Variants in ANKRD61 observed in about 807,000 individuals in gnomAD.
The protein encoded by ANKRD61 is ankyrin repeat domain 61, also known as ankyrin repeat domain-containing protein 61.
ANKRD61 carries 7 observed loss-of-function variants against 8.4 expected under a neutral mutation model. The ratio of observed to expected loss-of-function variants is 0.84; its 90% confidence interval spans 0.48 to 1.57. The LOEUF (loss-of-function observed/expected upper bound fraction) is 1.57, where lower values mean the gene tolerates loss of function less well. ANKRD61 is among the 40% of genes most tolerant of loss of function. ANKRD61 has a pLI of 0.00. For synonymous variants in ANKRD61, 198 were observed against 208.0 expected (o/e 0.95, Z 0.41); for missense variants, 516 against 523.4 (o/e 0.99, Z 0.14).
At chr7:6,034,039 C>T (rs1787994379) in intron 2 of ANKRD61, among the ~76,000 whole-genome samples, 6 of 150,540 alleles carry the variant, frequency 4.0e-5, no homozygotes, top group South Asian at 2.1e-4. Context: ...TAGTATAGGC[C>T]GGGCGCGGTG....
Position 6,035,735 on chromosome 7 carries a change from G to A in ANKRD61, c.606G>A (p.Met202Ile). Reference protein sequence around the residue: ...ADVNAINEASMTPLHMAANML... With the variant: ...ADVNAINEASITPLHMAANML... ...TCAATGCTATTAATGAAGCCAGCAT[G>A]ACACCCCTTCACATGGCCGCAAACA... The change falls in exon 3 of 3, where the codon ATG (methionine) becomes ATA (isoleucine). Residue 202 changes from methionine to isoleucine, a missense_variant. Coordinates refer to ENST00000409061, the MANE Select transcript of ANKRD61 (RefSeq NM_001271700.2). The surrounding 1 kb of genome is among the most constrained non-coding windows in gnomAD (Gnocchi z 5.5). The A allele has an allele frequency of 6.4e-7, 1 of 1,551,012 alleles. No individual in the cohort carries two copies. Among genetic ancestry groups the A allele is most frequent in the Admixed American group, 2.0e-5 (1 of 50,988 alleles).
rs758547206 is a variant in ANKRD61 at position 6,031,611 on chromosome 7, G to A, written c.216+20G>A. On this transcript the variant is annotated intron_variant, in intron 1 of 2. Transcript: ENST00000409061. ...ACCCAGGTACCCTCTTTTCTGCTCA[G>A]TCACTTCTGGAAAAAAGTCAGGCTG... 5.8e-6 allele frequency: 9 copies of A among 1,549,322 alleles called. No individual in the cohort carries two copies. Among genetic ancestry groups the A allele is most frequent in the Non-Finnish European group, 7.9e-6 (9 of 1,145,850 alleles).
rs1787914562 is a variant in ANKRD61, at chr7:6,031,593, T to C, written c.216+2T>C. 1 of 1,550,636 alleles carries C rather than the reference T, an allele frequency of 6.4e-7. No homozygotes were observed. The highest frequency in any genetic ancestry group is 1.2e-5 in the South Asian group (1 of 84,056). On this transcript the variant is annotated splice_donor_variant, in intron 1 of 2. Transcript: ENST00000409061. LOFTEE classifies it high-confidence loss of function. ...AGCAACAGATTACTTCTGACCCAGG[T>C]ACCCTCTTTTCTGCTCAGTCACTTC...
chr7:6,032,818 T>A lies in ANKRD61; in HGVS notation c.217-21T>A. 1 of 1,536,324 alleles carries A rather than the reference T, an allele frequency of 6.5e-7. No individual in the cohort carries two copies. Among genetic ancestry groups the A allele is most frequent in the Non-Finnish European group, 8.8e-7 (1 of 1,134,126 alleles). The stretch of plus-strand genomic sequence containing the variant: ...TAACTACACAGGGCCACTTGTAATG[T>A]GTTTTGTTTTCCCTCCAAAGCCGAC... On this transcript the variant is annotated intron_variant, in intron 1 of 2. Transcript: ENST00000409061. This position sits in a 1 kb window ranked among gnomAD's most constrained non-coding sequence, Gnocchi z 4.3.
Position 6,036,376 on chromosome 7 carries a change from A to G in ANKRD61, c.1247A>G (p.Tyr416Cys), listed in dbSNP as rs1257341872. 1.4e-6 allele frequency: 2 copies of G among 1,475,650 alleles called. No individual in the cohort carries two copies. Among genetic ancestry groups the G allele is most frequent in the African/African-American group, 1.4e-5 (1 of 70,658 alleles). 91.4% of individuals were successfully genotyped at this position (1,475,650 alleles called of 1,614,324 possible). A position where few individuals can be genotyped will look rare whatever the true frequency, so the allele number is the denominator to read the frequency against. Residue 416 changes from tyrosine (Y) to cysteine (C), a missense_variant, in exon 3 of 3, where the codon TAT becomes TGT. By Grantham distance (194) the Tyr-to-Cys change is radical. Coordinates refer to ENST00000409061, the MANE Select transcript of ANKRD61 (RefSeq NM_001271700.2). The surrounding 1 kb of genome is among the most constrained non-coding windows in gnomAD (Gnocchi z 4.6). ...NSVYCCYDLA[Y>C]TS ...GTCTACTGCTGTTATGACTTGGCAT[A>G]TACCTCTTGAAATAAGACCTCCCAG...
Position 6,035,263 on chromosome 7 carries a change from T to G in ANKRD61, c.315-181T>G, listed in dbSNP as rs1788043379. On this transcript the variant is annotated intron_variant, in intron 2 of 2. Transcript: ENST00000409061. The surrounding 1 kb of genome is among the most constrained non-coding windows in gnomAD (Gnocchi z 5.5). ...TCACGTAGTGATGCATCCCACCACATCCCACGAAAAACCCTGGGATAGCCT... is the reference window on the plus strand; with the variant it reads ...TCACGTAGTGATGCATCCCACCACAGCCCACGAAAAACCCTGGGATAGCCT... Among the ~76,000 whole-genome samples the G allele has an allele frequency of 2.0e-5, 3 of 152,066 alleles. No individual in the cohort carries two copies. The South Asian group carries it at 6.2e-4, about 32-fold the overall frequency.
rs765404567 is a variant in ANKRD61 at position 6,036,317 on chromosome 7, G to A, written c.1188G>A (p.Leu396=). Residue 396 remains leucine, a synonymous_variant, in exon 3 of 3, where the codon TTG becomes TTA. Coordinates refer to ENST00000409061, the MANE Select transcript of ANKRD61 (RefSeq NM_001271700.2). The surrounding 1 kb of genome is among the most constrained non-coding windows in gnomAD (Gnocchi z 4.6). ...NIYGEKYKQH[L]KQFLPVTIWN... ...ATGGTGAGAAATACAAACAGCACTT[G>A]AAGCAATTCCTCCCAGTGACAATAT... is the stretch of plus-strand genomic sequence containing the variant. The A allele has an allele frequency of 6.5e-5, 100 of 1,544,760 alleles. No homozygotes were observed. Among genetic ancestry groups the A allele is most frequent in the Non-Finnish European group, 8.0e-5 (92 of 1,145,214 alleles).
Position 6,035,815 on chromosome 7 carries a change from G to A in ANKRD61, c.686G>A (p.Cys229Tyr). The change falls in exon 3 of 3, where the codon TGT (cysteine) becomes TAT (tyrosine). Residue 229 changes from cysteine to tyrosine, a missense_variant. By Grantham distance (194) the Cys-to-Tyr change is radical. Coordinates refer to ENST00000409061, the MANE Select transcript of ANKRD61 (RefSeq NM_001271700.2). The surrounding 1 kb of genome is among the most constrained non-coding windows in gnomAD (Gnocchi z 5.5). ...TLIAYGANVN[C>Y]AVSSTGNTPL... ...ATTGCCTATGGAGCAAACGTCAACTGTGCTGTCTCTTCCACGGGGAACACG... is the reference window on the plus strand; with the variant it reads ...ATTGCCTATGGAGCAAACGTCAACTATGCTGTCTCTTCCACGGGGAACACG... 1.3e-6 allele frequency: 2 copies of A among 1,550,240 alleles called. No homozygotes were observed. Among genetic ancestry groups the A allele is most frequent in the Non-Finnish European group, 1.7e-6 (2 of 1,146,408 alleles).
chr7:6,032,407 A>G lies in ANKRD61; in HGVS notation c.217-432A>G, dbSNP rs1265611002. On this transcript the variant is annotated intron_variant, in intron 1 of 2. Transcript: ENST00000409061. The surrounding 1 kb of genome is among the most constrained non-coding windows in gnomAD (Gnocchi z 4.3). Reference sequence around the variant, plus strand: ...TCATAGACAGAACATATGCTGCGTTATATTTGAAAACCCTGAAGATTCAGG... The same window carrying G: ...TCATAGACAGAACATATGCTGCGTTGTATTTGAAAACCCTGAAGATTCAGG... 2.0e-5 allele frequency among the ~76,000 whole-genome samples: 3 copies of G among 152,188 alleles called. No individual in the cohort carries two copies. The highest frequency in any genetic ancestry group is 7.2e-5 in the African/African-American group (3 of 41,456).
At chr7:6,034,046 G>A (rs1291354136) in intron 2 of ANKRD61, among the ~76,000 whole-genome samples, 4 of 151,438 alleles carry the variant, frequency 2.6e-5, no homozygotes, top group East Asian at 2.0e-4. Flanking sequence ...GGCCGGGCGC[G>A]GTGGCTCACG....
Position 6,033,759 on chromosome 7 carries a change from T to C in ANKRD61, c.314+823T>C, listed in dbSNP as rs1457855292. ...TAATTTTTTGTATTTTTAGTAGAGA[T>C]GGGGTTTCACCATGTTAGCCAGGAT... On this transcript the variant is annotated intron_variant, in intron 2 of 2. Transcript: ENST00000409061. This position sits in a 1 kb window ranked among gnomAD's most constrained non-coding sequence, Gnocchi z 4.4. 6.6e-6 allele frequency among the ~76,000 whole-genome samples: 1 copy of C among 151,596 alleles called. No homozygotes were observed. Among genetic ancestry groups the C allele is most frequent in the Non-Finnish European group, 1.5e-5 (1 of 67,898 alleles).
Position 6,035,710 on chromosome 7 carries a change from T to TCC in ANKRD61, c.582_583insCC (p.Asn195ProfsTer9), listed in dbSNP as rs1280582263. 3 of 1,550,766 alleles carry TCC rather than the reference T, an allele frequency of 1.9e-6. No homozygotes were observed. The African/African-American group carries it at 4.1e-5, about 21-fold the overall frequency. On this transcript the variant is annotated frameshift_variant, in exon 3 of 3. Coordinates refer to ENST00000409061, the MANE Select transcript of ANKRD61 (RefSeq NM_001271700.2). LOFTEE classifies it low-confidence loss of function (END_TRUNC). This position sits in a 1 kb window ranked among gnomAD's most constrained non-coding sequence, Gnocchi z 5.5. ...ATTTTGACCCAAAATGGTGCCGATGTCAATGCTATTAATGAAGCCAGCATG... is the reference window on the plus strand; with the variant it reads ...ATTTTGACCCAAAATGGTGCCGATGTCCCAATGCTATTAATGAAGCCAGCATG...
Position 6,031,551 on chromosome 7 carries a change from T to C in ANKRD61, c.176T>C (p.Ile59Thr). Residue 59 changes from isoleucine to threonine, a missense_variant, in exon 1 of 3, where the codon ATT (isoleucine) becomes ACT (threonine). By Grantham distance (89) the Ile-to-Thr change is moderately conservative (BLOSUM62 -1). Coordinates refer to ENST00000409061, the MANE Select transcript of ANKRD61 (RefSeq NM_001271700.2). ...CACCCTGTCAACCAGCCCATCACCA[T>C]TCTGCCCAACTCCGCCAGCAACAGA... ...RNHPVNQPITILPNSASNRLL... is the reference protein window; with the variant it reads ...RNHPVNQPITTLPNSASNRLL... The C allele has an allele frequency of 1.3e-6, 2 of 1,550,756 alleles. No homozygotes were observed. The highest frequency in any genetic ancestry group is 1.7e-6 in the Non-Finnish European group (2 of 1,146,990).
In ANKRD61 at chr7:6,035,941, T is replaced by G; in HGVS notation, c.812T>G (p.Val271Gly). 6.5e-7 allele frequency: 1 copy of G among 1,547,848 alleles called. No homozygotes were observed. Reference sequence around the variant, plus strand: ...CTGCTACTCACTCACGGAGCCAAAGTCAACGCCCAGGACTACAAGGGCCAA... The same window carrying G: ...CTGCTACTCACTCACGGAGCCAAAGGCAACGCCCAGGACTACAAGGGCCAA... The part of the protein sequence containing the change: ...IRLLLTHGAK[V>G]NAQDYKGQTA... The change falls in exon 3 of 3, where the codon GTC (valine) becomes GGC (glycine). Residue 271 changes from valine (V) to glycine (G), a missense_variant. Coordinates refer to ENST00000409061, the MANE Select transcript of ANKRD61 (RefSeq NM_001271700.2). This position sits in a 1 kb window ranked among gnomAD's most constrained non-coding sequence, Gnocchi z 5.5.
rs776277941 is a variant in ANKRD61 at position 6,031,521 on chromosome 7, G to A, written c.146G>A (p.Arg49Lys). ...EDCTTIEVLL[R>K]NHPVNQPITI... ...TGCACTACGATCGAGGTACTCCTGA[G>A]AAATCACCCTGTCAACCAGCCCATC... The change falls in exon 1 of 3, where the codon AGA becomes AAA. Residue 49 changes from arginine to lysine, a missense_variant. By Grantham distance (26) the Arg-to-Lys change is conservative. Transcript: ENST00000409061. The A allele has an allele frequency of 1.9e-6, 3 of 1,550,706 alleles. No homozygotes were observed. In the South Asian group the frequency reaches 3.6e-5, roughly 18 times the overall value.
chr7:6,035,599 C>A lies in ANKRD61; in HGVS notation c.470C>A (p.Ala157Asp). The A allele has an allele frequency of 6.4e-7, 1 of 1,551,038 alleles. No individual in the cohort carries two copies. Among genetic ancestry groups the A allele is most frequent in the South Asian group, 1.2e-5 (1 of 84,052 alleles). The change falls in exon 3 of 3, where the codon GCT becomes GAT. Residue 157 changes from alanine to aspartate, a missense_variant. Physicochemically the swap from Ala to Asp is moderately radical, Grantham distance 126. Transcript: ENST00000409061. This position sits in a 1 kb window ranked among gnomAD's most constrained non-coding sequence, Gnocchi z 5.5. ...TCLRILCAHG[A>D]QVNTQGEISN... ...CTCCGCATCTTGTGTGCGCACGGAGCTCAAGTGAACACTCAAGGGGAAATC... is the reference window on the plus strand; with the variant it reads ...CTCCGCATCTTGTGTGCGCACGGAGATCAAGTGAACACTCAAGGGGAAATC...
rs1377597799 is a variant in ANKRD61 at position 6,032,643 on chromosome 7, T to G, written c.217-196T>G. 6.6e-6 allele frequency among the ~76,000 whole-genome samples: 1 copy of G among 152,218 alleles called. No homozygotes were observed. Among genetic ancestry groups the G allele is most frequent in the Non-Finnish European group, 1.5e-5 (1 of 68,044 alleles). On this transcript the variant is annotated intron_variant, in intron 1 of 2. Coordinates refer to ENST00000409061, the MANE Select transcript of ANKRD61 (RefSeq NM_001271700.2). This position sits in a 1 kb window ranked among gnomAD's most constrained non-coding sequence, Gnocchi z 4.3. Reference sequence around the variant, plus strand: ...ATGTGCATTTCTGTGAAACACAGATTTTATAGGATGGAATTCACTGAATTT... The same window carrying G: ...ATGTGCATTTCTGTGAAACACAGATGTTATAGGATGGAATTCACTGAATTT...
In ANKRD61 at chr7:6,033,018, G is replaced by A; in HGVS notation, c.314+82G>A. 1.6e-6 allele frequency: 2 copies of A among 1,224,308 alleles called. No individual in the cohort carries two copies. Among genetic ancestry groups the A allele is most frequent in the African/African-American group, 3.0e-5 (2 of 66,072 alleles). The allele number at this position is 1,224,308 out of a possible 1,614,324, so 75.8% of individuals were successfully genotyped here. On this transcript the variant is annotated intron_variant, in intron 2 of 2. Transcript: ENST00000409061. The surrounding 1 kb of genome is among the most constrained non-coding windows in gnomAD (Gnocchi z 4.4). ...GGGTCTCGCTCTGTTGCCCAGGCTGGAGTGCAATGGCACAATCTCGCCTCA... is the reference window on the plus strand; with the variant it reads ...GGGTCTCGCTCTGTTGCCCAGGCTGAAGTGCAATGGCACAATCTCGCCTCA...
At position 6,036,223 on chromosome 7, in the gene ANKRD61, C is replaced by T. The variant is rs1483404547; in HGVS notation, c.1094C>T (p.Thr365Ile). 2 of 1,549,880 alleles carry T rather than the reference C, an allele frequency of 1.3e-6. No homozygotes were observed. The highest frequency in any genetic ancestry group is 1.2e-5 in the South Asian group (1 of 83,822). Reference protein sequence around the residue: ...MLPEFRLLRDTLIKQSQKPLS... With the variant: ...MLPEFRLLRDILIKQSQKPLS... ...CCAGAATTCCGCCTCTTAAGGGACACCCTAATAAAGCAATCGCAAAAACCT... is the reference window on the plus strand; with the variant it reads ...CCAGAATTCCGCCTCTTAAGGGACATCCTAATAAAGCAATCGCAAAAACCT... Residue 365 changes from threonine (T) to isoleucine (I), a missense_variant, in exon 3 of 3, where the codon ACC becomes ATC. Thr to Ile is a moderately conservative substitution (Grantham distance 89, BLOSUM62 -1). Transcript: ENST00000409061. The surrounding 1 kb of genome is among the most constrained non-coding windows in gnomAD (Gnocchi z 4.6).
Sources: allele counts gnomAD v4.1 joint callset (sites outside exome capture counted in the v4.1 genomes callset), GRCh38; gene constraint gnomAD v4.1.1; non-coding constraint Gnocchi (gnomAD v3.1); transcripts MANE v1.5; gene names NCBI Gene and HGNC (gene_info 2026-07-23, HGNC 2026-07-21).